The following PRKG1 variants were observed in gnomAD, a reference collection of about 807,000 sequenced individuals.
The protein encoded by PRKG1 is cGMP-dependent protein kinase 1.
In PRKG1, 35 loss-of-function variants were observed where a neutral mutation model predicts 88.1. The ratio of observed to expected loss-of-function variants is 0.40; its 90% CI spans 0.30 to 0.53. The LOEUF is 0.53. Among genes scored for constraint, PRKG1 ranks in the 20% least tolerant of loss-of-function variants. The probability of loss-of-function intolerance (pLI) is 0.59; values close to 1 mark genes in which losing one functional copy is unlikely to be tolerated. For missense variants in PRKG1, 540 were observed against 839.8 expected, an observed-to-expected ratio of 0.64 and a Z score of 4.41; for synonymous variants, 303 against 292.5, an observed-to-expected ratio of 1.04 and a Z score of -0.37.
intron 4 of PRKG1, among the ~76,000 whole-genome samples, chr10:51,811,478 A>C (rs897351111): frequency 1.3e-5 from 2 of 152,044 alleles, no homozygotes; most frequent in African/African-American, 2.4e-5. Context: ...TCGGGAGAGA[A>C]TTAGAGTTTG....
At chr10:52,047,859 T>C (rs1845900348) in intron 5 of PRKG1, among the ~76,000 whole-genome samples, 1 of 152,116 alleles carries the variant, frequency 6.6e-6, no homozygotes, top group Non-Finnish European at 1.5e-5. Flanking sequence ...AGGACTCTTC[T>C]TCTGAGATAT....
chr10:52,161,866 A>G, intron 8 of PRKG1, 23 bp from the exon 9 acceptor site: 1 of 1,606,996 alleles, frequency 6.2e-7, no homozygotes, highest in Non-Finnish European at 8.5e-7. Context: ...AAGATTAATC[A>G]CTGTGCTTTT....
At chr10:51,176,842 T>C (rs1837207364) in intron 2 of PRKG1, among the ~76,000 whole-genome samples, 2 of 152,136 alleles carry the variant, frequency 1.3e-5, no homozygotes. Flanking sequence ...CTACATACTA[T>C]CAAATTTTAT....
intron 3 of PRKG1, among the ~76,000 whole-genome samples, chr10:51,543,148 C>T (rs1243890208): frequency 6.6e-6 from 1 of 152,164 alleles, no homozygotes. Flanking sequence ...GAACTTGGCC[C>T]TGTCCCATCT....
chr10:51,699,648 C>T, intron 3 of PRKG1: 1 of 1,380,728 alleles, frequency 7.2e-7, no homozygotes, highest in Non-Finnish European at 9.9e-7. Flanking sequence ...TTTCAAGATC[C>T]GGGCAGAAAC....
intron 2 of PRKG1, 46 bp downstream of exon 2, chr10:51,153,376 T>C: frequency 6.5e-7 from 1 of 1,527,266 alleles, no homozygotes. Context: ...TATTCTTTTT[T>C]CATCTTATCA....
At chr10:51,861,478 C>G (rs917457067) in intron 4 of PRKG1, among the ~76,000 whole-genome samples, 2 of 151,816 alleles carry the variant, frequency 1.3e-5, no homozygotes, top group African/African-American at 4.8e-5. Flanking sequence ...TCAGAAATAC[C>G]CGGGTCTATT....
chr10:51,370,053 G>C (rs751951327), intron 2 of PRKG1, among the ~76,000 whole-genome samples: 1 of 152,102 alleles, frequency 6.6e-6, no homozygotes, highest in African/African-American at 2.4e-5. Context: ...ATGATGAGAT[G>C]AGTAATTTCT....
intron 2 of PRKG1, among the ~76,000 whole-genome samples, chr10:51,315,463 G>T (rs1211925608): frequency 6.6e-6 from 1 of 152,158 alleles, no homozygotes; most frequent in Non-Finnish European, 1.5e-5. Context: ...GAGAATATGT[G>T]ATCACAGTAT....
intron 2 of PRKG1, among the ~76,000 whole-genome samples, chr10:51,219,109 A>T (rs927107930): frequency 2.6e-5 from 4 of 152,200 alleles, no homozygotes; most frequent in Non-Finnish European, 4.4e-5. Context: ...TGAAATTTTA[A>T]TTAAATGAGT....
chr10:51,943,338 T>C (rs1842951874), intron 5 of PRKG1, among the ~76,000 whole-genome samples: 3 of 151,982 alleles, frequency 2.0e-5, no homozygotes, highest in Admixed American at 2.0e-4. Flanking sequence ...GCTTATCAGC[T>C]TAAGGAGATT....
intron 2 of PRKG1, among the ~76,000 whole-genome samples, chr10:51,225,912 A>T (rs745805148): frequency 1.9e-4 from 29 of 152,142 alleles, no homozygotes; most frequent in Non-Finnish European, 7.4e-5. Context: ...AGTAATCAAA[A>T]TTGATTCTGT....
chr10:51,423,173 T>C (rs1838467478), intron 2 of PRKG1, among the ~76,000 whole-genome samples: 2 of 152,140 alleles, frequency 1.3e-5, no homozygotes, highest in Admixed American at 1.3e-4. Flanking sequence ...TCTTTCCACA[T>C]GAAGAAGAGA....
chr10:52,031,881 G>A (rs1197252510), intron 5 of PRKG1, among the ~76,000 whole-genome samples: 1 of 152,130 alleles, frequency 6.6e-6, no homozygotes, highest in African/African-American at 2.4e-5. Context: ...AGTAGAAATG[G>A]TAGTCAAAGA....
At chr10:51,598,879 T>G (rs1358637436) in intron 3 of PRKG1, among the ~76,000 whole-genome samples, 1 of 151,966 alleles carries the variant, frequency 6.6e-6, no homozygotes, top group African/African-American at 2.4e-5. Flanking sequence ...AGAGAAGGAA[T>G]AGGATGGCTG....
intron 1 of PRKG1, among the ~76,000 whole-genome samples, chr10:51,013,188 A>T (rs943003595): frequency 2.6e-5 from 4 of 152,244 alleles, no homozygotes; most frequent in Non-Finnish European, 5.9e-5. Context: ...TTCATCTGCA[A>T]AATGGTTTAT....
intron 10 of PRKG1, among the ~76,000 whole-genome samples, chr10:52,269,074 A>T (rs1026277049): frequency 2.1e-4 from 32 of 152,044 alleles, no homozygotes; most frequent in African/African-American, 7.2e-4. Context: ...AAAAAAAAAA[A>T]AATCTGTGTA....
chr10:51,296,950 A>G (rs1156752335), intron 2 of PRKG1, among the ~76,000 whole-genome samples: 1 of 152,114 alleles, frequency 6.6e-6, no homozygotes, highest in Non-Finnish European at 1.5e-5. Flanking sequence ...TTGAATAAAT[A>G]TAACAGAGTG....
chr10:51,636,621 G>A (rs1434432955), intron 3 of PRKG1, among the ~76,000 whole-genome samples: 3 of 152,158 alleles, frequency 2.0e-5, no homozygotes, highest in Non-Finnish European at 2.9e-5. Context: ...CACATGGAAT[G>A]ATGAGCTTTG....
Sources: allele counts gnomAD v4.1 joint callset (sites outside exome capture counted in the v4.1 genomes callset), GRCh38; gene constraint gnomAD v4.1.1; transcripts MANE v1.5; gene names NCBI Gene and HGNC (gene_info 2026-07-23, HGNC 2026-07-21).